BRMS1L: variants seen among roughly 807,000 people sequenced by gnomAD.
BRMS1L encodes breast cancer metastasis-suppressor 1-like protein.
Under a neutral mutation model 50.3 loss-of-function variants are expected in BRMS1L, and 23 were observed. That is an observed-to-expected ratio of 0.46 (90% confidence interval 0.33 to 0.65). BRMS1L has a LOEUF of 0.65. Among genes scored for constraint, BRMS1L ranks in the 30% least tolerant of loss-of-function variants. BRMS1L has a pLI of 0.02. For synonymous variants in BRMS1L, 114 were observed against 126.9 expected, an observed-to-expected ratio of 0.90 and a Z score of 0.69; for missense variants, 286 against 386.1, an observed-to-expected ratio of 0.74 and a Z score of 2.17.
chr14:35,861,979 G>T (rs2078357638), intron 4 of BRMS1L, among the ~76,000 whole-genome samples: 1 of 152,048 alleles, frequency 6.6e-6, no homozygotes, highest in South Asian at 2.1e-4. Context: ...AGTAGACCTG[G>T]GTTCTAGTCT....
intron 4 of BRMS1L, among the ~76,000 whole-genome samples, chr14:35,861,154 T>C (rs931191427): frequency 2.0e-5 from 3 of 152,340 alleles, no homozygotes; most frequent in East Asian, 3.9e-4. Context: ...CAGTTTAAAG[T>C]ATACTTCTGA....
At chr14:35,856,435 C>A (rs957433444) in intron 4 of BRMS1L, among the ~76,000 whole-genome samples, 1 of 152,076 alleles carries the variant, frequency 6.6e-6, no homozygotes, top group Non-Finnish European at 1.5e-5. Context: ...TTCAGGTTCT[C>A]GAGAAAATTG....
Position 35,861,480 on chromosome 14 carries a change from A to T in BRMS1L, c.442-1110A>T, listed in dbSNP as rs959533847. Among the ~76,000 whole-genome samples, 4 of 152,172 alleles carry T rather than the reference A, an allele frequency of 2.6e-5. No homozygotes were observed. The South Asian group carries it at 8.3e-4, about 32-fold the overall frequency. ...GAGTTTTGCAGCACAATATAGATAAAGCTGGAATATTTCATAAGACTTTAC... is the reference window on the plus strand; with the variant it reads ...GAGTTTTGCAGCACAATATAGATAATGCTGGAATATTTCATAAGACTTTAC... On this transcript the variant is annotated intron_variant, in intron 4 of 9. Coordinates refer to ENST00000216807, the MANE Select transcript of BRMS1L (RefSeq NM_032352.4).
intron 9 of BRMS1L, among the ~76,000 whole-genome samples, chr14:35,868,780 T>TAAC (rs1041032571): frequency 2.0e-5 from 3 of 152,020 alleles, no homozygotes; most frequent in Non-Finnish European, 4.4e-5. Context: ...CTTGTCTCTC[T>TAAC]AACAACAACA....
At chr14:35,841,999 T>TC (rs1491545517) in intron 4 of BRMS1L, among the ~76,000 whole-genome samples, 1 of 104,344 alleles carries the variant, frequency 9.6e-6, no homozygotes, top group Non-Finnish European at 2.1e-5. Flanking sequence ...CAATCTCTGC[T>TC]TTTTTTTTTT....
chr14:35,865,213 TATA>T lies in BRMS1L; in HGVS notation c.687+220_687+222del, dbSNP rs546101324. Among the ~76,000 whole-genome samples, 15 of 152,354 alleles carry T rather than the reference TATA, an allele frequency of 9.8e-5. No homozygotes were observed. In the South Asian group the frequency reaches 1.7e-3, roughly 17 times the overall value. On this transcript the variant is annotated intron_variant, in intron 7 of 9. Coordinates refer to ENST00000216807, the MANE Select transcript of BRMS1L (RefSeq NM_032352.4). The stretch of plus-strand genomic sequence containing the variant: ...GTCAGCAGTTTGATTGTATTTTTTC[TATA>T]ATAATGTAACTAATAATTTATGGAA...
At chr14:35,860,746 G>A (rs925289585) in intron 4 of BRMS1L, among the ~76,000 whole-genome samples, 9 of 152,168 alleles carry the variant, frequency 5.9e-5, no homozygotes, top group Admixed American at 1.3e-4. Context: ...GTCAGTGTGA[G>A]GTCGGTACAA....
At chr14:35,827,839 T>G (rs2077864557) in intron 1 of BRMS1L, among the ~76,000 whole-genome samples, 1 of 152,216 alleles carries the variant, frequency 6.6e-6, no homozygotes, top group Non-Finnish European at 1.5e-5. Context: ...TTACCTTAAT[T>G]ATCTTGAAGA....
At chr14:35,844,668 A>G (rs1185926158) in intron 4 of BRMS1L, among the ~76,000 whole-genome samples, 3 of 152,062 alleles carry the variant, frequency 2.0e-5, no homozygotes, top group Non-Finnish European at 4.4e-5. Flanking sequence ...AATTACTTTC[A>G]TGTGGTGATG....
At chr14:35,865,084 ATAT>A (rs1445794451) in intron 7 of BRMS1L, 85 bp downstream of exon 7, 4 of 992,508 alleles carry the variant, frequency 4.0e-6, no homozygotes, top group African/African-American at 3.4e-5. Context: ...GTACATCAAA[ATAT>A]TATTGTAAAT....
chr14:35,849,030 A>AT (rs1307754943), intron 4 of BRMS1L, among the ~76,000 whole-genome samples: 1 of 151,458 alleles, frequency 6.6e-6, no homozygotes, highest in African/African-American at 2.4e-5. Context: ...TTCTTTTTCA[A>AT]TTTTTTATAG....
intron 8 of BRMS1L, chr14:35,866,145 G>A (rs949082822): frequency 5.9e-6 from 1 of 170,856 alleles, no homozygotes; most frequent in Admixed American, 6.3e-5. Flanking sequence ...TCTGAGGAGA[G>A]AGATCAGAAT....
In BRMS1L at chr14:35,862,460, A is replaced by C. The variant is rs570096961; in HGVS notation, c.442-130A>C. 1.1e-4 allele frequency: 42 copies of C among 391,884 alleles called. No homozygotes were observed. In the South Asian group the frequency reaches 2.5e-3, roughly 23 times the overall value. The allele number at this position is 391,884 out of a possible 1,614,324, so 24.3% of individuals were successfully genotyped here. A position where few individuals can be genotyped will look rare whatever the true frequency, so the allele number is the denominator to read the frequency against. On this transcript the variant is annotated intron_variant, in intron 4 of 9. Coordinates refer to ENST00000216807, the MANE Select transcript of BRMS1L (RefSeq NM_032352.4). ...CATGTATTTGACATTTCTTCTTTAG[A>C]ATTTTTAATTGAATTGAAAAAGCAA...
chr14:35,832,760 AAT>A (rs1380345950), intron 2 of BRMS1L, among the ~76,000 whole-genome samples: 1 of 152,134 alleles, frequency 6.6e-6, no homozygotes, highest in East Asian at 1.9e-4. Context: ...TTGTATTGGG[AAT>A]TGACCATTAA....
At chr14:35,857,221 A>G (rs1488706581) in intron 4 of BRMS1L, among the ~76,000 whole-genome samples, 1 of 149,788 alleles carries the variant, frequency 6.7e-6, no homozygotes, top group Non-Finnish European at 1.5e-5. Context: ...AGCCTGGGCG[A>G]CAGAGCAAGA....
chr14:35,866,591 G>A (rs2078424666), intron 8 of BRMS1L, among the ~76,000 whole-genome samples: 1 of 152,126 alleles, frequency 6.6e-6, no homozygotes, highest in Admixed American at 6.6e-5. Flanking sequence ...TGTAGTCTCA[G>A]CCTCTTGGGA....
chr14:35,827,110 T>G (rs193152603), intron 1 of BRMS1L, among the ~76,000 whole-genome samples: 1 of 152,324 alleles, frequency 6.6e-6, no homozygotes, highest in Admixed American at 6.5e-5. Context: ...CGGTCAGCAC[T>G]TTTACATCAG....
At chr14:35,864,191 T>A (rs1215298052) in intron 6 of BRMS1L, among the ~76,000 whole-genome samples, 1 of 152,180 alleles carries the variant, frequency 6.6e-6, no homozygotes, top group Non-Finnish European at 1.5e-5. Flanking sequence ...TTAATGTGAC[T>A]TGTCGTTCAC....
intron 6 of BRMS1L, among the ~76,000 whole-genome samples, chr14:35,864,555 C>T (rs1594348742): frequency 1.3e-5 from 2 of 152,216 alleles, no homozygotes; most frequent in East Asian, 1.9e-4. Context: ...TGCCTAGCCT[C>T]GTATACTTTT....
Sources: allele counts gnomAD v4.1 joint callset (sites outside exome capture counted in the v4.1 genomes callset), GRCh38; gene constraint gnomAD v4.1.1; transcripts MANE v1.5; gene names NCBI Gene and HGNC (gene_info 2026-07-23, HGNC 2026-07-21).